PCDHGA2: variants seen among roughly 807,000 people sequenced by gnomAD.
PCDHGA2 encodes the protein protocadherin gamma-A2.
A neutral mutation model predicts 59.2 loss-of-function variants in PCDHGA2; 40 were observed. The ratio of observed to expected loss-of-function variants is 0.68; its 90% CI spans 0.52 to 0.88. PCDHGA2 has a LOEUF of 0.88. PCDHGA2 is among the 40% of genes least tolerant of loss of function. The pLI is 0.00. For missense variants in PCDHGA2, 1,226 were observed against 1,204.0 expected (o/e 1.02, Z -0.27); for synonymous variants, 560 against 526.0 (o/e 1.06, Z -0.89).
At chr5:141,362,741 T>C in intron 1 of PCDHGA2, 1 of 734,108 alleles carries the variant, frequency 1.4e-6, no homozygotes, top group Non-Finnish European at 2.2e-6. Flanking sequence ...TATTTACCCA[T>C]GATTGCAAAC....
chr5:141,355,074 C>A, intron 1 of PCDHGA2: 1 of 1,383,750 alleles, frequency 7.2e-7, no homozygotes, highest in East Asian at 2.4e-5. Context: ...TTTATGAAAG[C>A]TTCAAGCGGA....
At position 141,493,157 on chromosome 5, in the gene PCDHGA2, T is replaced by C. The variant is rs1261889479; in HGVS notation, c.2425-1650T>C. ...TTGAAACACCCCCAGGTGATTTTGATAGCTGATTGAGAGAAACTTACTATA... is the reference window on the plus strand; with the variant it reads ...TTGAAACACCCCCAGGTGATTTTGACAGCTGATTGAGAGAAACTTACTATA... On this transcript the variant is annotated intron_variant, in intron 1 of 3. Coordinates refer to ENST00000394576, the MANE Select transcript of PCDHGA2 (RefSeq NM_018915.4). This position sits in a 1 kb window ranked among gnomAD's most constrained non-coding sequence, Gnocchi z 4.3. 2.0e-5 allele frequency among the ~76,000 whole-genome samples: 3 copies of C among 152,224 alleles called. No individual in the cohort carries two copies. Among genetic ancestry groups the C allele is most frequent in the Admixed American group, 6.5e-5 (1 of 15,286 alleles).
In PCDHGA2 at chr5:141,472,816, G is replaced by A. The variant is rs1186234004; in HGVS notation, c.2425-21991G>A. On this transcript the variant is annotated intron_variant, in intron 1 of 3. Transcript: ENST00000394576. ...GCCTGACCAACATGGAGAAACCCCC[G>A]TCTCTACTAAAAATAGAAAATTAGC... 4.6e-5 allele frequency among the ~76,000 whole-genome samples: 7 copies of A among 151,374 alleles called. No individual in the cohort carries two copies. In the South Asian group the frequency reaches 6.2e-4, roughly 14 times the overall value.
At chr5:141,429,387 T>TTA (rs775632416) in intron 1 of PCDHGA2, among the ~76,000 whole-genome samples, 40 of 151,448 alleles carry the variant, frequency 2.6e-4, no homozygotes, top group African/African-American at 7.0e-4. Context: ...GTTTTTTTTT[T>TTA]AAAAAAAATT....
At chr5:141,505,081 G>A (rs2099843521) in intron 2 of PCDHGA2, among the ~76,000 whole-genome samples, 3 of 152,146 alleles carry the variant, frequency 2.0e-5, no homozygotes, top group Admixed American at 2.0e-4. Flanking sequence ...AGAATCGCTT[G>A]AACCCAGGAG....
intron 1 of PCDHGA2, chr5:141,392,836 C>T: frequency 6.2e-7 from 1 of 1,608,040 alleles, no homozygotes; most frequent in Non-Finnish European, 8.5e-7. Context: ...CAGAGTCGCC[C>T]CAGACGCGGC....
rs759170549 is a variant in PCDHGA2 at position 141,338,976 on chromosome 5, C to A, written c.5C>A (p.Ala2Glu). Residue 2 changes from alanine to glutamate, a missense_variant, in exon 1 of 4, where the codon GCG becomes GAG. Coordinates refer to ENST00000394576, the MANE Select transcript of PCDHGA2 (RefSeq NM_018915.4). M[A>E]ALQKLPHCRK... ...GAAAATTGCGACAGGAGGGAAATGG[C>A]GGCTCTGCAAAAGTTGCCACACTGC... 2.6e-6 allele frequency: 4 copies of A among 1,530,360 alleles called. No individual in the cohort carries two copies. Among genetic ancestry groups the A allele is most frequent in the South Asian group, 1.3e-5 (1 of 78,412 alleles). 94.8% of individuals were successfully genotyped at this position (1,530,360 alleles called of 1,614,324 possible). A position where few individuals can be genotyped will look rare whatever the true frequency, so the allele number is the denominator to read the frequency against.
rs376734880 is a variant in PCDHGA2 at position 141,400,487 on chromosome 5, T to C, written c.2424+59092T>C. On this transcript the variant is annotated intron_variant, in intron 1 of 3. Coordinates refer to ENST00000394576, the MANE Select transcript of PCDHGA2 (RefSeq NM_018915.4). Reference sequence around the variant, plus strand: ...GATTCATCTGGGGCCTTATTTCCACTTTGTAATTCCAGCGAGTCGACTTCC... The same window carrying C: ...GATTCATCTGGGGCCTTATTTCCACCTTGTAATTCCAGCGAGTCGACTTCC... 4.8e-5 allele frequency: 78 copies of C among 1,613,958 alleles called. No individual in the cohort carries two copies. Among genetic ancestry groups the C allele is most frequent in the Non-Finnish European group, 6.6e-5 (78 of 1,179,896 alleles).
intron 1 of PCDHGA2, chr5:141,352,271 C>T (rs1180338147): frequency 6.2e-7 from 1 of 1,613,978 alleles, no homozygotes; most frequent in Non-Finnish European, 8.5e-7. Flanking sequence ...ATTGCCAGAC[C>T]TCAGCGACCG....
At position 141,399,280 on chromosome 5, in the gene PCDHGA2, G is replaced by A. The variant is rs750453381; in HGVS notation, c.2424+57885G>A. ...GGAGGTTAATTGTCAATTACAAGGCGAAGTCCCTTTTAAGATTATCTCTTC... is the reference window on the plus strand; with the variant it reads ...GGAGGTTAATTGTCAATTACAAGGCAAAGTCCCTTTTAAGATTATCTCTTC... On this transcript the variant is annotated intron_variant, in intron 1 of 3. Coordinates refer to ENST00000394576, the MANE Select transcript of PCDHGA2 (RefSeq NM_018915.4). 20 of 1,613,836 alleles carry A rather than the reference G, an allele frequency of 1.2e-5. No homozygotes were observed. The highest frequency in any genetic ancestry group is 3.3e-4 in the Middle Eastern group (2 of 6,060).
chr5:141,430,521 A>G, intron 1 of PCDHGA2: 1 of 350,390 alleles, frequency 2.9e-6, no homozygotes, highest in Non-Finnish European at 5.1e-6. Context: ...TTGTGCAGTA[A>G]TTGGTTAGGA....
intron 1 of PCDHGA2, chr5:141,492,069 C>A (rs1595083522): frequency 2.1e-6 from 1 of 475,880 alleles, no homozygotes; most frequent in East Asian, 3.3e-5. Context: ...GCCTCCTAGG[C>A]GCCGGCTCCG....
intron 1 of PCDHGA2, among the ~76,000 whole-genome samples, chr5:141,446,167 G>A (rs1357034077): frequency 6.6e-6 from 1 of 152,188 alleles, no homozygotes; most frequent in African/African-American, 2.4e-5. Flanking sequence ...ATTTCATGAG[G>A]GCAGGGGGTG....
chr5:141,403,950 T>C (rs771679747), intron 1 of PCDHGA2: 13 of 1,613,706 alleles, frequency 8.1e-6, no homozygotes, highest in Non-Finnish European at 1.1e-5. Context: ...TGGACAAAAG[T>C]GCTCATTTCG....
intron 1 of PCDHGA2, chr5:141,357,583 C>T (rs756550703): frequency 1.9e-6 from 3 of 1,614,188 alleles, no homozygotes; most frequent in Non-Finnish European, 1.7e-6. Context: ...TCTGATAACT[C>T]AGGATTTACT....
rs537684458 is a variant in PCDHGA2, at chr5:141,431,679, T to G, written c.2425-63128T>G. The G allele has an allele frequency of 1.5e-5, 24 of 1,614,222 alleles. No individual in the cohort carries two copies. The highest frequency in any genetic ancestry group is 3.3e-5 in the Admixed American group (2 of 60,028). On this transcript the variant is annotated intron_variant, in intron 1 of 3. Coordinates refer to ENST00000394576, the MANE Select transcript of PCDHGA2 (RefSeq NM_018915.4). The surrounding 1 kb of genome is among the most constrained non-coding windows in gnomAD (Gnocchi z 4.8). ...GGGACAATATCAACAATAGGGGAGT[T>G]GGACCACGAGGAGTCAGGATTCTAC...
rs1756942476 is a variant in PCDHGA2, at chr5:141,340,415, A to G, written c.1444A>G (p.Asn482Asp). 1.9e-6 allele frequency: 3 copies of G among 1,614,026 alleles called. No individual in the cohort carries two copies. The highest frequency in any genetic ancestry group is 2.5e-6 in the Non-Finnish European group (3 of 1,180,030). The change falls in exon 1 of 4, where the codon AAC becomes GAC. Residue 482 changes from asparagine (N) to aspartate (D), a missense_variant. Asn to Asp is a conservative substitution (Grantham distance 23). Transcript: ENST00000394576. ...FSVTAHDPDSNDNAHVTYSFA... is the reference protein window; with the variant it reads ...FSVTAHDPDSDDNAHVTYSFA... ...AGTGACGGCCCATGACCCCGACAGC[A>G]ACGACAATGCTCATGTAACTTACTC...
chr5:141,369,377 GT>G (rs1049592188), intron 1 of PCDHGA2, among the ~76,000 whole-genome samples: 53 of 152,270 alleles, frequency 3.5e-4, no homozygotes, highest in African/African-American at 1.3e-3. Flanking sequence ...CTTTGTAAAA[GT>G]TTTTCATTTG....
Position 141,490,509 on chromosome 5 carries a change from G to A in PCDHGA2, c.2425-4298G>A. 6.2e-7 allele frequency: 1 copy of A among 1,614,072 alleles called. No individual in the cohort carries two copies. On this transcript the variant is annotated intron_variant, in intron 1 of 3. Transcript: ENST00000394576. The surrounding 1 kb of genome is among the most constrained non-coding windows in gnomAD (Gnocchi z 5.4). ...AGGCCACATCCCACTATATCATCGA[G>A]CTGCTGGCCAGCGATGCTGGTTCAC...
Sources: allele counts gnomAD v4.1 joint callset (sites outside exome capture counted in the v4.1 genomes callset), GRCh38; gene constraint gnomAD v4.1.1; non-coding constraint Gnocchi (gnomAD v3.1); transcripts MANE v1.5; gene names NCBI Gene and HGNC (gene_info 2026-07-23, HGNC 2026-07-21).